The following IPO4 variants were observed in gnomAD, a reference collection of about 807,000 sequenced individuals.
IPO4 encodes the protein importin 4, also known as importin-4.
Under a neutral mutation model 133.5 loss-of-function variants are expected in IPO4, and 91 were observed. That is an observed-to-expected ratio of 0.68 (90% CI 0.58 to 0.81). IPO4 has a LOEUF of 0.81. Ranked by LOEUF, IPO4 falls within the 30% of genes least tolerant of loss-of-function variation. The probability of loss-of-function intolerance (pLI) is 0.00; values close to 1 mark genes in which losing one functional copy is unlikely to be tolerated. For missense variants in IPO4, 1,279 were observed against 1,386.2 expected (o/e 0.92, Z 1.23); for synonymous variants, 607 against 581.6 (o/e 1.04, Z -0.63).
chr14:24,185,033 C>A, intron 14 of IPO4, 53 bp from the exon 15 acceptor site: 1 of 1,591,988 alleles, frequency 6.3e-7, no homozygotes, highest in Admixed American at 1.7e-5. Flanking sequence ...TACCTGCACG[C>A]CCACCTCCCT....
rs367647256 is a variant in IPO4 at position 24,181,998 on chromosome 14, C to G, written c.2764G>C (p.Gly922Arg). 6.2e-7 allele frequency: 1 copy of G among 1,612,810 alleles called. No individual in the cohort carries two copies. The highest frequency in any genetic ancestry group is 8.5e-7 in the Non-Finnish European group (1 of 1,180,026). The change falls in exon 26 of 30, where the codon GGG (glycine) becomes CGG (arginine). Residue 922 changes from glycine to arginine, a missense_variant. Physicochemically the swap from Gly to Arg is moderately radical, Grantham distance 125. Transcript: ENST00000354464. Reference protein sequence around the residue: ...DPEVRSNAIFGMGVLAEHGGH... With the variant: ...DPEVRSNAIFRMGVLAEHGGH... ...CCATGCTCTGCCAGCACGCCCATCC[C>G]GAAGATGGCATTGCTTCGCACCTCG... is the stretch of plus-strand genomic sequence containing the variant.
chr14:24,183,760 A>C lies in IPO4; in HGVS notation c.1985+23T>G. 3 of 1,614,150 alleles carry C rather than the reference A, an allele frequency of 1.9e-6. No homozygotes were observed. In the African/African-American group the frequency reaches 4.0e-5, roughly 22 times the overall value. On this transcript the variant is annotated intron_variant, in intron 19 of 29. Transcript: ENST00000354464. ...TCTAAAGCCAAAGTCTAGATTCCTGATCAGAAGAGCACCCCTCCGCACCCT... is the reference window on the plus strand; with the variant it reads ...TCTAAAGCCAAAGTCTAGATTCCTGCTCAGAAGAGCACCCCTCCGCACCCT...
At chr14:24,181,374 A>G in intron 28 of IPO4, 139 bp downstream of exon 28, 1 of 677,498 alleles carries the variant, frequency 1.5e-6, no homozygotes, top group East Asian at 2.7e-5. Flanking sequence ...TGCAGGGAGT[A>G]CCAAAAGAAC....
At chr14:24,187,248 A>G (rs2039236619) in intron 6 of IPO4, 98 bp from the exon 7 acceptor site, 5 of 1,493,192 alleles carry the variant, frequency 3.3e-6, no homozygotes, top group South Asian at 1.2e-5. Context: ...GAGCCCAGGC[A>G]TAACAGCCAG....
Position 24,181,871 on chromosome 14 carries a change from C to A in IPO4, c.2808-28G>T, listed in dbSNP as rs765326373. The A allele has an allele frequency of 1.8e-5, 29 of 1,601,664 alleles. No homozygotes were observed. In the African/African-American group the frequency reaches 2.8e-4, roughly 15 times the overall value. On this transcript the variant is annotated intron_variant, in intron 26 of 29. Coordinates refer to ENST00000354464, the MANE Select transcript of IPO4 (RefSeq NM_024658.4). ...GGTCCACAGTCAAGGAATGGCCACACGCTCAGGTAGACCTTGCCCACCTGC... is the reference window on the plus strand; with the variant it reads ...GGTCCACAGTCAAGGAATGGCCACAAGCTCAGGTAGACCTTGCCCACCTGC...
chr14:24,186,095 G>C lies in IPO4; in HGVS notation c.1059+34C>G, dbSNP rs141282306. 770 of 1,612,812 alleles carry C rather than the reference G, an allele frequency of 4.8e-4. 1 individual carries two copies. In the African/African-American group the frequency reaches 9.5e-3, roughly 20 times the overall value. On this transcript the variant is annotated intron_variant, in intron 11 of 29. Transcript: ENST00000354464. ...CTCAGGGGGACTAGGCACACTTGGA[G>C]GTAGGGACACCAGAAGGACAGAGCC...
intron 17 of IPO4, 53 bp from the exon 18 acceptor site, chr14:24,184,162 AGGATG>A: frequency 6.3e-7 from 1 of 1,583,652 alleles, no homozygotes; most frequent in Non-Finnish European, 8.6e-7. Context: ...ACCACCAGGC[AGGATG>A]GGGGAGCCCG....
At chr14:24,183,972 G>GGGGCGGCCC in intron 18 of IPO4, 26 bp downstream of exon 18, 2 of 1,573,304 alleles carry the variant, frequency 1.3e-6, no homozygotes, top group Non-Finnish European at 1.7e-6. Flanking sequence ...GGCAGGCCTG[G>GGGGCGGCCC]CCCAGCCCAC....
At chr14:24,186,597 C>T (rs769199566) in intron 9 of IPO4, 111 bp downstream of exon 9, 3 of 1,354,840 alleles carry the variant, frequency 2.2e-6, no homozygotes, top group Non-Finnish European at 3.1e-6. Flanking sequence ...CAGGCCAAGG[C>T]TTGAACCCCC....
Position 24,183,017 on chromosome 14 carries a change from C to T in IPO4, c.2380G>A (p.Ala794Thr), listed in dbSNP as rs772566539. 1.2e-5 allele frequency: 20 copies of T among 1,613,632 alleles called. No individual in the cohort carries two copies. The highest frequency in any genetic ancestry group is 4.0e-5 in the African/African-American group (3 of 74,924). Reference sequence around the variant, plus strand: ...GCCTTGAGCACGCCACAGAGCTCAGCGAGGCGCCCAGGGGGCTTCAGTGTG... The same window carrying T: ...GCCTTGAGCACGCCACAGAGCTCAGTGAGGCGCCCAGGGGGCTTCAGTGTG... Reference protein sequence around the residue: ...TLTLKPPGRLAELCGVLKAVL... With the variant: ...TLTLKPPGRLTELCGVLKAVL... Residue 794 changes from alanine (A) to threonine (T), a missense_variant, in exon 23 of 30, where the codon GCT becomes ACT. This residue lies in a region of IPO4 where 575 missense variants were observed against 653.4 expected (regional missense o/e 0.88). Coordinates refer to ENST00000354464, the MANE Select transcript of IPO4 (RefSeq NM_024658.4).
At position 24,185,932 on chromosome 14, in the gene IPO4, T is replaced by C. The variant is rs1425072063; in HGVS notation, c.1098A>G (p.Pro366=). Residue 366 remains proline (P), a synonymous_variant, in exon 12 of 30, where the codon CCA becomes CCG. Transcript: ENST00000354464. ...MLEEALRSES[P]YQRKAGLLVL... is the part of the protein sequence containing the mutation. Reference sequence around the variant, plus strand: ...CCAGGAGTCCAGCTTTGCGCTGGTATGGGCTCTCGCTCCGCAAAGCCTCTT... The same window carrying C: ...CCAGGAGTCCAGCTTTGCGCTGGTACGGGCTCTCGCTCCGCAAAGCCTCTT... 1.2e-6 allele frequency: 2 copies of C among 1,614,118 alleles called. No homozygotes were observed. Among genetic ancestry groups the C allele is most frequent in the East Asian group, 4.5e-5 (2 of 44,886 alleles).
At chr14:24,184,600 A>C in intron 16 of IPO4, 50 bp downstream of exon 16, 1 of 1,466,726 alleles carries the variant, frequency 6.8e-7, no homozygotes, top group Non-Finnish European at 9.2e-7. Context: ...CCAGGTGAGC[A>C]CCAGCCCTTT....
At chr14:24,186,250 C>G in intron 10 of IPO4, 37 bp downstream of exon 10, 1 of 1,605,438 alleles carries the variant, frequency 6.2e-7, no homozygotes. Flanking sequence ...CCACAGCCAC[C>G]TAACACCTTC....
chr14:24,185,138 C>A, intron 14 of IPO4, 45 bp downstream of exon 14: 1 of 1,611,380 alleles, frequency 6.2e-7, no homozygotes, highest in African/African-American at 1.3e-5. Flanking sequence ...CAGCCAAAGC[C>A]GCCGCCTCAT....
chr14:24,186,257 C>T (rs1196131518), intron 10 of IPO4, 30 bp downstream of exon 10: 3 of 1,603,616 alleles, frequency 1.9e-6, no homozygotes, highest in Non-Finnish European at 2.6e-6. Context: ...CACCTAACAC[C>T]TTCCCCCTCT....
chr14:24,187,777 G>C lies in IPO4; in HGVS notation c.298C>G (p.Leu100Val). ...RETEHCVSLS[L>V]AQLSATIFRK... ...AAAATGGTGGCTGAGAGCTGGGCCA[G>C]GCTGAGGCTCACACAGTGCCTGCAA... The change falls in exon 5 of 30, where the codon CTG becomes GTG. Residue 100 changes from leucine to valine, a missense_variant. Leu to Val is a conservative substitution (Grantham distance 32). Coordinates refer to ENST00000354464, the MANE Select transcript of IPO4 (RefSeq NM_024658.4). 6.2e-7 allele frequency: 1 copy of C among 1,614,200 alleles called. No homozygotes were observed. The highest frequency in any genetic ancestry group is 8.5e-7 in the Non-Finnish European group (1 of 1,180,036).
intron 28 of IPO4, 103 bp downstream of exon 28, chr14:24,181,410 G>A (rs889141012): frequency 1.2e-6 from 1 of 847,432 alleles, no homozygotes; most frequent in Non-Finnish European, 1.9e-6. Context: ...CTTGCATCAG[G>A]TGCAACTGAC....
rs749504930 is a variant in IPO4, at chr14:24,182,041, G to A, written c.2721C>T (p.Thr907=). 16 of 1,613,452 alleles carry A rather than the reference G, an allele frequency of 9.9e-6. No individual in the cohort carries two copies. The highest frequency in any genetic ancestry group is 5.0e-5 in the Admixed American group (3 of 59,994). ...GCACCTCGGGGTCTGCCTCTTGGGC[G>A]GTGCTCAACAGCACAGGGAGCAGCC... is the stretch of plus-strand genomic sequence containing the variant. The part of the protein sequence containing the change: ...VSRLLPVLLS[T]AQEADPEVRS... Residue 907 remains threonine, a synonymous_variant, in exon 26 of 30, where the codon ACC becomes ACT. Coordinates refer to ENST00000354464, the MANE Select transcript of IPO4 (RefSeq NM_024658.4).
At position 24,184,644 on chromosome 14, in the gene IPO4, A is replaced by G; in HGVS notation, c.1636+6T>C. 6.3e-7 allele frequency: 1 copy of G among 1,578,482 alleles called. No homozygotes were observed. Among genetic ancestry groups the G allele is most frequent in the African/African-American group, 1.3e-5 (1 of 74,116 alleles). On this transcript the variant is annotated splice_donor_region_variant and intron_variant, in intron 16 of 29. Coordinates refer to ENST00000354464, the MANE Select transcript of IPO4 (RefSeq NM_024658.4). ...TGGGAGCCCCACCTGGGAACCTCTC[A>G]CTCACCCAGGCTCTGGATCTGCACA... is the stretch of plus-strand genomic sequence containing the variant.
Sources: allele counts gnomAD v4.1 joint callset, GRCh38; gene constraint gnomAD v4.1.1; regional missense constraint gnomAD v4.1.1; transcripts MANE v1.5; gene names NCBI Gene and HGNC (gene_info 2026-07-23, HGNC 2026-07-21).